Variants in DLC1 observed in about 807,000 individuals in gnomAD.
DLC1 encodes the protein rho GTPase-activating protein 7.
A neutral mutation model predicts 140.3 loss-of-function variants in DLC1; 54 were observed. The observed-to-expected ratio is 0.38, with a 90% CI of 0.31 to 0.48. The LOEUF (loss-of-function observed/expected upper bound fraction) is 0.48, where lower values mean the gene tolerates loss of function less well. DLC1 is among the 20% of genes least tolerant of loss of function. The probability of loss-of-function intolerance (pLI) is 0.96; values close to 1 mark genes in which losing one functional copy is unlikely to be tolerated. For synonymous variants in DLC1, 986 were observed against 728.1 expected (o/e 1.35, Z -5.70); for missense variants, 2,536 against 1,907.0 (o/e 1.33, Z -6.14).
chr8:13,279,687 T>A (rs185890960), intron 5 of DLC1, among the ~76,000 whole-genome samples: 5 of 152,192 alleles, frequency 3.3e-5, no homozygotes, highest in African/African-American at 1.2e-4. Flanking sequence ...CTCAGCTACA[T>A]TTTATGGGTA....
At chr8:13,103,839 C>CAAAAAAAAAAAAA (rs1002564334) in intron 7 of DLC1, among the ~76,000 whole-genome samples, 3 of 60,780 alleles carry the variant, frequency 4.9e-5, no homozygotes, top group South Asian at 6.5e-4. Context: ...GACTCCATCT[C>CAAAAAAAAAAAAA]AAAAAAAAAA....
intron 4 of DLC1, among the ~76,000 whole-genome samples, chr8:13,388,850 G>A (rs1036103564): frequency 6.6e-6 from 1 of 152,046 alleles, no homozygotes; most frequent in African/African-American, 2.4e-5. Context: ...CCTACACTAT[G>A]CTTGGAGGAG....
At chr8:13,478,242 G>A (rs943960358) in intron 2 of DLC1, among the ~76,000 whole-genome samples, 1 of 151,962 alleles carries the variant, frequency 6.6e-6, no homozygotes, top group Admixed American at 6.6e-5. Flanking sequence ...GATGAAAGCA[G>A]GAGTGAGTGA....
chr8:13,578,283 C>T (rs1336011728), intron 1 of DLC1, among the ~76,000 whole-genome samples: 1 of 152,128 alleles, frequency 6.6e-6, no homozygotes, highest in African/African-American at 2.4e-5. Flanking sequence ...TGAGTCACAG[C>T]CATTCCAGCA....
Position 13,099,924 on chromosome 8 carries a change from T to A in DLC1, c.2413A>T (p.Thr805Ser). The A allele has an allele frequency of 6.2e-7, 1 of 1,614,014 alleles. No individual in the cohort carries two copies. Among genetic ancestry groups the A allele is most frequent in the Non-Finnish European group, 8.5e-7 (1 of 1,180,050 alleles). ...TGATCTTCAGGGATGTAGAACACCG[T>A]GTCCTCTGGGTAGCTCTCGCGGTTC... The part of the protein sequence containing the change: ...FKNRESYPED[T>S]VFYIPEDHKP... The change falls in exon 9 of 18, where the codon ACG (threonine) becomes TCG (serine). Residue 805 changes from threonine (T) to serine (S), a missense_variant. Coordinates refer to ENST00000276297, the MANE Select transcript of DLC1 (RefSeq NM_182643.3).
At chr8:13,190,729 G>A (rs957112393) in intron 5 of DLC1, among the ~76,000 whole-genome samples, 2 of 152,172 alleles carry the variant, frequency 1.3e-5, no homozygotes, top group African/African-American at 4.8e-5. Flanking sequence ...CTGGTGGAGT[G>A]GAGGGAGAGG....
intron 1 of DLC1, among the ~76,000 whole-genome samples, chr8:13,575,859 T>A (rs1396667718): frequency 6.6e-6 from 1 of 152,172 alleles, no homozygotes; most frequent in Non-Finnish European, 1.5e-5. Context: ...AAAGGAAGGC[T>A]TTGTATTGTG....
intron 5 of DLC1, among the ~76,000 whole-genome samples, chr8:13,297,946 C>G (rs1832029860): frequency 6.6e-6 from 1 of 151,962 alleles, no homozygotes; most frequent in Non-Finnish European, 1.5e-5. Context: ...AAAATTAATA[C>G]CAAAATGCAT....
intron 4 of DLC1, among the ~76,000 whole-genome samples, chr8:13,324,981 T>C (rs1833279708): frequency 6.6e-6 from 1 of 152,204 alleles, no homozygotes; most frequent in African/African-American, 2.4e-5. Flanking sequence ...TTGTTTGTGT[T>C]TTAAAACACT....
chr8:13,455,382 C>G (rs1799335757), intron 2 of DLC1, among the ~76,000 whole-genome samples: 1 of 152,142 alleles, frequency 6.6e-6, no homozygotes, highest in South Asian at 2.1e-4. Flanking sequence ...ACATTCAGAA[C>G]AGGAGCCAAA....
chr8:13,568,583 G>C (rs546944024), intron 1 of DLC1, among the ~76,000 whole-genome samples: 2 of 47,596 alleles, frequency 4.2e-5, no homozygotes, highest in Admixed American at 5.5e-4. Context: ...AGCGTTTTTG[G>C]AAATGAATAA....
In DLC1 at chr8:13,102,804, G is replaced by T; in HGVS notation, c.1552C>A (p.Pro518Thr). ...KCAVMKLEISPHRKRSDDSDE... is the reference protein window; with the variant it reads ...KCAVMKLEISTHRKRSDDSDE... ...TGTATACTCACTCGTTTCCGATGAG[G>T]ACTAATTTCTAGCTTCATCACCGCA... is the stretch of plus-strand genomic sequence containing the variant. The change falls in exon 8 of 18, where the codon CCT (proline) becomes ACT (threonine). Residue 518 changes from proline to threonine, a missense_variant. Physicochemically the swap from Pro to Thr is conservative, Grantham distance 38. Transcript: ENST00000276297. 6.2e-7 allele frequency: 1 copy of T among 1,613,936 alleles called. No homozygotes were observed. The highest frequency in any genetic ancestry group is 8.5e-7 in the Non-Finnish European group (1 of 1,179,938).
At chr8:13,229,255 A>G (rs1828937299) in intron 5 of DLC1, among the ~76,000 whole-genome samples, 1 of 152,204 alleles carries the variant, frequency 6.6e-6, no homozygotes, top group African/African-American at 2.4e-5. Context: ...ATTTGGCAGT[A>G]CAAAGAAATA....
intron 2 of DLC1, among the ~76,000 whole-genome samples, chr8:13,440,488 G>A (rs902870213): frequency 4.0e-5 from 6 of 151,462 alleles, no homozygotes; most frequent in Admixed American, 3.9e-4. Context: ...GAGTGACATT[G>A]CTTTTATGTA....
At chr8:13,528,357 T>A (rs1802985759) in intron 1 of DLC1, among the ~76,000 whole-genome samples, 1 of 152,142 alleles carries the variant, frequency 6.6e-6, no homozygotes, top group African/African-American at 2.4e-5. Flanking sequence ...ACTTAAAAAT[T>A]TAACATTTTG....
At chr8:13,196,460 A>G in intron 5 of DLC1, among the ~76,000 whole-genome samples, 1 of 147,192 alleles carries the variant, frequency 6.8e-6, no homozygotes, top group East Asian at 1.9e-4. Flanking sequence ...ATTACTGCAC[A>G]TAGGCCATTA....
At chr8:13,181,326 T>TC (rs1385794999) in intron 5 of DLC1, among the ~76,000 whole-genome samples, 17 of 150,774 alleles carry the variant, frequency 1.1e-4, no homozygotes, top group African/African-American at 3.7e-4. Flanking sequence ...TTTTTTTTTT[T>TC]CTTTCTTTCT....
intron 1 of DLC1, among the ~76,000 whole-genome samples, chr8:13,526,534 C>G (rs1802926019): frequency 1.3e-5 from 2 of 151,972 alleles, no homozygotes; most frequent in Admixed American, 1.3e-4. Context: ...AGAATTATCT[C>G]TAGTACTTTA....
chr8:13,265,519 C>G (rs1044494799), intron 5 of DLC1, among the ~76,000 whole-genome samples: 1 of 152,272 alleles, frequency 6.6e-6, no homozygotes, highest in African/African-American at 2.4e-5. Flanking sequence ...ACTGGCCTCA[C>G]AAGAATGAGA....
Sources: allele counts gnomAD v4.1 joint callset (sites outside exome capture counted in the v4.1 genomes callset), GRCh38; gene constraint gnomAD v4.1.1; transcripts MANE v1.5; gene names NCBI Gene and HGNC (gene_info 2026-07-23, HGNC 2026-07-21).